Variants in DACH2 observed in about 807,000 individuals in gnomAD.
The protein encoded by DACH2 is dachshund family transcription factor 2, also known as dachshund homolog 2.
Under a neutral mutation model 35.8 loss-of-function variants are expected in DACH2, and 17 were observed. That is an observed-to-expected ratio of 0.48 (90% CI 0.33 to 0.71). The LOEUF is 0.71. Ranked by LOEUF, DACH2 falls within the 30% of genes least tolerant of loss-of-function variation. DACH2 has a pLI of 0.02. For synonymous variants in DACH2, 195 were observed against 177.3 expected (o/e 1.10, Z -0.79); for missense variants, 469 against 472.7 (o/e 0.99, Z 0.07).
chrX:86,627,532 G>A (rs907800636), intron 3 of DACH2, among the ~76,000 whole-genome samples: 4 of 111,373 alleles, frequency 3.6e-5, no homozygotes, highest in African/African-American at 1.3e-4. Context: ...GTTATAATAA[G>A]CTTAATTTAG....
intron 2 of DACH2, among the ~76,000 whole-genome samples, chrX:86,478,433 T>G (rs1396964702): frequency 1.8e-5 from 2 of 111,042 alleles, no homozygotes; most frequent in Admixed American, 1.9e-4. Context: ...TGCCACTCTC[T>G]CCTGGCCTGT....
At chrX:86,367,706 C>G in intron 1 of DACH2, among the ~76,000 whole-genome samples, 1 of 111,380 alleles carries the variant, frequency 9.0e-6, no homozygotes, top group Non-Finnish European at 1.9e-5. Context: ...GACCAATACC[C>G]AAGTTTCCTT....
chrX:86,746,354 G>A (rs12856820), intron 7 of DACH2, among the ~76,000 whole-genome samples: 32,792 of 110,327 alleles, frequency 0.3, 3,851 homozygotes, highest in Middle Eastern at 0.42. Flanking sequence ...GGATGCAGCC[G>A]TTTACATTTC....
intron 3 of DACH2, among the ~76,000 whole-genome samples, chrX:86,552,079 A>C (rs2039056931): frequency 8.9e-6 from 1 of 111,825 alleles, no homozygotes; most frequent in Admixed American, 9.6e-5. Context: ...AAACCAGCTA[A>C]TCTTTATATG....
At chrX:86,720,644 G>A (rs2041394802) in intron 6 of DACH2, among the ~76,000 whole-genome samples, 2 of 112,136 alleles carry the variant, frequency 1.8e-5, no homozygotes, top group African/African-American at 6.5e-5. Context: ...GGTGTTGAGT[G>A]TCTGTGGCTT....
intron 1 of DACH2, among the ~76,000 whole-genome samples, chrX:86,200,978 A>G (rs2032139658): frequency 9.0e-6 from 1 of 111,540 alleles, no homozygotes; most frequent in South Asian, 3.7e-4. Flanking sequence ...ATAAAGACCC[A>G]TGCATGCATC....
rs386417185 is a variant in DACH2, at chrX:86,417,089, C to CAAAA, written c.527+40250_527+40253dup. Reference sequence around the variant, plus strand: ...AGCCTGTTCAACAGAGACTCCATCTCAAAAAAAAAAAAAAAAAAAAAAAAA... The same window carrying CAAAA: ...AGCCTGTTCAACAGAGACTCCATCTCAAAAAAAAAAAAAAAAAAAAAAAAAAAAA... On this transcript the variant is annotated intron_variant, in intron 2 of 11. Transcript: ENST00000373125. Among the ~76,000 whole-genome samples, 72 of 23,026 alleles carry CAAAA rather than the reference C, an allele frequency of 3.1e-3. 9 individuals are homozygous for CAAAA. Among genetic ancestry groups the CAAAA allele is most frequent in the African/African-American group, 0.013 (63 of 5,011 alleles). The allele number at this position is 23,026 out of a possible 115,157, so 20.0% of individuals were successfully genotyped here. A position where few individuals can be genotyped will look rare whatever the true frequency, so the allele number is the denominator to read the frequency against.
intron 1 of DACH2, among the ~76,000 whole-genome samples, chrX:86,334,581 C>G (rs147085348): frequency 0.014 from 1,534 of 112,235 alleles, 21 homozygotes; most frequent in African/African-American, 0.047. Flanking sequence ...TGTTCATATT[C>G]TTCACCCACT....
chrX:86,216,512 A>G (rs1014333214), intron 1 of DACH2, among the ~76,000 whole-genome samples: 1 of 111,274 alleles, frequency 9.0e-6, no homozygotes, highest in African/African-American at 3.3e-5. Context: ...TTCCAGCTTC[A>G]TTCATGTCCC....
At chrX:86,556,731 C>A (rs1348742560) in intron 3 of DACH2, among the ~76,000 whole-genome samples, 2 of 82,010 alleles carry the variant, frequency 2.4e-5, no homozygotes, top group Non-Finnish European at 4.6e-5. Flanking sequence ...CAGAGTTCTA[C>A]AGAGAAACAG....
intron 3 of DACH2, among the ~76,000 whole-genome samples, chrX:86,636,585 C>T (rs1602724966): frequency 9.0e-6 from 1 of 111,438 alleles, no homozygotes; most frequent in Non-Finnish European, 1.9e-5. Context: ...TCTTTGACAA[C>T]ACTGACAAAA....
intron 4 of DACH2, among the ~76,000 whole-genome samples, chrX:86,679,612 G>GTCTC (rs796939081): frequency 1.1e-4 from 9 of 83,541 alleles, no homozygotes; most frequent in South Asian, 1.1e-3. Flanking sequence ...CTCTCTCTCT[G>GTCTC]TCTCTGTGTG....
intron 7 of DACH2, among the ~76,000 whole-genome samples, chrX:86,803,196 G>A (rs916745972): frequency 1.8e-5 from 2 of 111,619 alleles, no homozygotes; most frequent in Admixed American, 1.9e-4. Context: ...AATCAGTCAG[G>A]TCTGCTTTAT....
chrX:86,567,950 A>C (rs1199481551), intron 3 of DACH2, among the ~76,000 whole-genome samples: 2 of 111,771 alleles, frequency 1.8e-5, no homozygotes, highest in African/African-American at 6.5e-5. Flanking sequence ...TGGTACATCA[A>C]GACAATTGAA....
chrX:86,779,534 A>G (rs1434301053), intron 7 of DACH2, among the ~76,000 whole-genome samples: 1 of 111,740 alleles, frequency 8.9e-6, no homozygotes, highest in Non-Finnish European at 1.9e-5. Context: ...CAGAAAAGAG[A>G]TATAACCTGA....
chrX:86,401,107 G>T (rs748307619), intron 2 of DACH2, among the ~76,000 whole-genome samples: 2 of 111,965 alleles, frequency 1.8e-5, no homozygotes, highest in African/African-American at 6.5e-5. Flanking sequence ...CCTCGCTACT[G>T]CCTTGCAGTT....
At chrX:86,664,342 G>T (rs755218397) in intron 4 of DACH2, among the ~76,000 whole-genome samples, 1 of 111,421 alleles carries the variant, frequency 9.0e-6, no homozygotes, top group East Asian at 2.8e-4. Flanking sequence ...CAAATGTTTT[G>T]AGTGTAGAAC....
intron 1 of DACH2, among the ~76,000 whole-genome samples, chrX:86,215,372 A>G (rs1217479937): frequency 8.9e-6 from 1 of 111,779 alleles, no homozygotes; most frequent in Non-Finnish European, 1.9e-5. Context: ...CAATATTTTA[A>G]AAAAGCTACG....
At chrX:86,763,718 A>T (rs892180729) in intron 7 of DACH2, among the ~76,000 whole-genome samples, 1 of 111,534 alleles carries the variant, frequency 9.0e-6, no homozygotes, top group African/African-American at 3.3e-5. Context: ...TCCCAGAGTG[A>T]TGTTTACTCT....
Sources: allele counts gnomAD v4.1 joint callset (sites outside exome capture counted in the v4.1 genomes callset), GRCh38; gene constraint gnomAD v4.1.1; transcripts MANE v1.5; gene names NCBI Gene and HGNC (gene_info 2026-07-23, HGNC 2026-07-21).